The following CDH4 variants were observed in gnomAD, a reference collection of about 807,000 sequenced individuals.
The protein encoded by CDH4 is cadherin-4.
A neutral mutation model predicts 86.0 loss-of-function variants in CDH4; 33 were observed. That is an observed-to-expected ratio of 0.38 (90% CI 0.29 to 0.51). CDH4 has a LOEUF of 0.51. Among genes scored for constraint, CDH4 ranks in the 20% least tolerant of loss-of-function variants. The pLI is 0.86. For missense variants in CDH4, 1,114 were observed against 1,307.4 expected, an observed-to-expected ratio of 0.85 and a Z score of 2.28; for synonymous variants, 555 against 549.4, an observed-to-expected ratio of 1.01 and a Z score of -0.14.
chr20:61,364,917 C>A (rs2084803147), intron 2 of CDH4, among the ~76,000 whole-genome samples: 1 of 152,116 alleles, frequency 6.6e-6, no homozygotes, highest in Admixed American at 6.5e-5. Context: ...AGAGTGGGGA[C>A]AGCAGGAACT....
At position 61,708,275 on chromosome 20, in the gene CDH4, A is replaced by G. The variant is rs1003699358; in HGVS notation, c.170-35288A>G. Among the ~76,000 whole-genome samples the G allele has an allele frequency of 5.3e-5, 8 of 151,806 alleles. No individual in the cohort carries two copies. Among genetic ancestry groups the G allele is most frequent in the Admixed American group, 4.6e-4 (7 of 15,234 alleles). ...AGGGGGTTGACTTTTACCCCGAACC[A>G]GATGTACCAAGCACCCCGCTGACTC... On this transcript the variant is annotated intron_variant, in intron 2 of 15. Transcript: ENST00000614565. This position sits in a 1 kb window ranked among gnomAD's most constrained non-coding sequence, Gnocchi z 4.5.
chr20:61,803,118 C>T (rs974828805), intron 4 of CDH4, among the ~76,000 whole-genome samples: 43 of 152,218 alleles, frequency 2.8e-4, no homozygotes, highest in Non-Finnish European at 5.6e-4. Flanking sequence ...CTCAGCAGCG[C>T]GGCGAGTCGC....
chr20:61,910,491 C>T lies in CDH4; in HGVS notation c.1258C>T (p.Gln420Ter). The T allele has an allele frequency of 6.2e-7, 1 of 1,614,016 alleles. No homozygotes were observed. Among genetic ancestry groups the T allele is most frequent in the Non-Finnish European group, 8.5e-7 (1 of 1,180,026 alleles). Residue 420 changes from glutamine (Q) to a stop codon, truncating the protein, a stop_gained, in exon 9 of 16, where the codon CAG (glutamine) becomes TAG (stop). Coordinates refer to ENST00000614565, the MANE Select transcript of CDH4 (RefSeq NM_001794.5). LOFTEE classifies it high-confidence loss of function. ...VANLTVMDRD[Q>*]PHSPNWNAVY... ...AAACCTCACGGTGATGGACCGAGAT[C>T]AGCCCCACTCTCCAAACTGGAATGC...
At chr20:61,282,853 C>T (rs1246825626) in intron 2 of CDH4, among the ~76,000 whole-genome samples, 1 of 152,122 alleles carries the variant, frequency 6.6e-6, no homozygotes, top group Admixed American at 6.5e-5. Flanking sequence ...TGTGCATTTG[C>T]ACGCATGTGC....
chr20:61,825,507 C>T (rs746181966), intron 4 of CDH4, among the ~76,000 whole-genome samples: 6 of 152,164 alleles, frequency 3.9e-5, no homozygotes, highest in African/African-American at 2.4e-5. Flanking sequence ...TGAGCCCTGA[C>T]GAAGGACAAG....
Position 61,795,262 on chromosome 20 carries a change from T to G in CDH4, c.576+22080T>G, listed in dbSNP as rs1203539773. 6.8e-5 allele frequency among the ~76,000 whole-genome samples: 10 copies of G among 147,010 alleles called. No individual in the cohort carries two copies. In the East Asian group the frequency reaches 2.0e-3, roughly 30 times the overall value. On this transcript the variant is annotated intron_variant, in intron 4 of 15. Transcript: ENST00000614565. ...ACAGATCATCTCTAAAATCCTAAGT[T>G]TAGTCCTCATAAAAGCCATCACCTT...
intron 4 of CDH4, among the ~76,000 whole-genome samples, chr20:61,819,420 C>T (rs751932448): frequency 4.0e-5 from 6 of 151,578 alleles, no homozygotes; most frequent in Admixed American, 2.0e-4. Context: ...CGCTCTGCCC[C>T]GGGAGCGTTC....
At chr20:61,653,868 GCGGCCGGGCAGAGACGC>G (rs2087156905) in intron 2 of CDH4, among the ~76,000 whole-genome samples, 1 of 140,918 alleles carries the variant, frequency 7.1e-6, no homozygotes, top group Non-Finnish European at 1.6e-5. Flanking sequence ...AGATGGGATG[GCGGCCGGGCAGAGACGC>G]TCCTCACTTC....
intron 2 of CDH4, among the ~76,000 whole-genome samples, chr20:61,405,135 C>T (rs1470123719): frequency 2.0e-5 from 3 of 152,058 alleles, no homozygotes; most frequent in Non-Finnish European, 4.4e-5. Context: ...TTCGGGGTCC[C>T]AGGGAGTGGA....
chr20:61,531,300 C>A (rs1456536597), intron 2 of CDH4, among the ~76,000 whole-genome samples: 1 of 151,834 alleles, frequency 6.6e-6, no homozygotes, highest in African/African-American at 2.4e-5. Context: ...GGTGAAACCC[C>A]GTCTCTACTA....
At position 61,540,126 on chromosome 20, in the gene CDH4, G is replaced by C. The variant is rs1047584509; in HGVS notation, c.170-203437G>C. Among the ~76,000 whole-genome samples the C allele has an allele frequency of 8.5e-5, 13 of 152,314 alleles. No individual in the cohort carries two copies. The South Asian group carries it at 2.7e-3, about 32-fold the overall frequency. On this transcript the variant is annotated intron_variant, in intron 2 of 15. Coordinates refer to ENST00000614565, the MANE Select transcript of CDH4 (RefSeq NM_001794.5). ...GGGTGCATGCACCGTAGCTCTCCCA[G>C]GTCCTCCTGGAGCAGGGCCTGGCAC...
At chr20:61,781,854 C>G (rs1365939624) in intron 4 of CDH4, among the ~76,000 whole-genome samples, 1 of 152,174 alleles carries the variant, frequency 6.6e-6, no homozygotes, top group African/African-American at 2.4e-5. Flanking sequence ...GAAAACATCT[C>G]TAAAGTAGAG....
chr20:61,811,436 A>T lies in CDH4; in HGVS notation c.577-33232A>T, dbSNP rs1430831134. On this transcript the variant is annotated intron_variant, in intron 4 of 15. Transcript: ENST00000614565. This position sits in a 1 kb window ranked among gnomAD's most constrained non-coding sequence, Gnocchi z 4.4. ...CACTTTTGACAATCTGAAGCAAGGA[A>T]AAAACAGCAGACATCTATCTGTATG... Among the ~76,000 whole-genome samples, 5 of 152,246 alleles carry T rather than the reference A, an allele frequency of 3.3e-5. No homozygotes were observed. Among genetic ancestry groups the T allele is most frequent in the Non-Finnish European group, 7.3e-5 (5 of 68,046 alleles).
At chr20:61,887,522 TGCACACAC>T (rs146065947) in intron 7 of CDH4, among the ~76,000 whole-genome samples, 2,497 of 152,350 alleles carry the variant, frequency 0.016, 74 homozygotes, top group African/African-American at 0.056. Flanking sequence ...CATACACACA[TGCACACAC>T]ACAATACACT....
In CDH4 at chr20:61,653,753, C is replaced by T. The variant is rs1201628217; in HGVS notation, c.170-89810C>T. On this transcript the variant is annotated intron_variant, in intron 2 of 15. Transcript: ENST00000614565. ...GCTCCTCACATCCCAGACGGGGCGG[C>T]GGGGCAGAGGCGCTCCCCACATCCC... Among the ~76,000 whole-genome samples the T allele has an allele frequency of 1.1e-3, 126 of 111,726 alleles. 15 individuals carry two copies. The highest frequency in any genetic ancestry group is 3.3e-3 in the African/African-American group (111 of 33,840). The allele number at this position is 111,726 out of a possible 152,430, so 73.3% of individuals were successfully genotyped here.
At chr20:61,508,221 C>T (rs889310257) in intron 2 of CDH4, among the ~76,000 whole-genome samples, 18 of 152,196 alleles carry the variant, frequency 1.2e-4, no homozygotes, top group African/African-American at 4.1e-4. Context: ...GCAAATGATT[C>T]TATGTAGCAA....
chr20:61,587,133 A>G (rs2086483199), intron 2 of CDH4, among the ~76,000 whole-genome samples: 1 of 152,180 alleles, frequency 6.6e-6, no homozygotes, highest in Non-Finnish European at 1.5e-5. Context: ...AGTGCTGAAG[A>G]AAGGCCGAGA....
intron 8 of CDH4, among the ~76,000 whole-genome samples, chr20:61,895,384 G>A (rs1248923003): frequency 6.6e-6 from 1 of 152,252 alleles, no homozygotes; most frequent in Non-Finnish European, 1.5e-5. Flanking sequence ...GACCCGCTTG[G>A]GGAATGCCCA....
At chr20:61,320,424 G>A (rs2084501721) in intron 2 of CDH4, among the ~76,000 whole-genome samples, 1 of 152,102 alleles carries the variant, frequency 6.6e-6, no homozygotes, top group Non-Finnish European at 1.5e-5. Context: ...TGCAGGTGTG[G>A]GTGAGACTGG....
Sources: gnomAD v4.1 joint callset for allele counts (sites outside exome capture counted in the v4.1 genomes callset) on GRCh38, gnomAD v4.1.1 for gene constraint, Gnocchi (gnomAD v3.1) non-coding constraint, MANE v1.5 for transcripts, NCBI Gene and HGNC (gene_info 2026-07-23, HGNC 2026-07-21) for gene names.